The following RNF17 variants were observed in gnomAD, a reference collection of about 807,000 sequenced individuals.
RNF17 encodes the protein ring finger protein 17.
RNF17 carries 31 observed loss-of-function variants against 200.5 expected under a neutral mutation model. The ratio of observed to expected loss-of-function variants is 0.15; its 90% CI spans 0.12 to 0.21. The LOEUF is 0.21. Among genes scored for constraint, RNF17 ranks in the 10% least tolerant of loss-of-function variants. The probability of loss-of-function intolerance (pLI) is 1.00; values close to 1 mark genes in which losing one functional copy is unlikely to be tolerated. For missense variants in RNF17, 1,628 were observed against 1,905.1 expected, an observed-to-expected ratio of 0.85 and a Z score of 2.71; for synonymous variants, 606 against 637.8, an observed-to-expected ratio of 0.95 and a Z score of 0.75.
intron 18 of RNF17, among the ~76,000 whole-genome samples, chr13:24,836,950 A>G (rs901013738): frequency 6.6e-6 from 1 of 152,180 alleles, no homozygotes; most frequent in African/African-American, 2.4e-5. Context: ...GTAAGAACTC[A>G]CCAACCAACC....
intron 23 of RNF17, 78 bp from the exon 24 acceptor site, chr13:24,851,378 T>G: frequency 8.4e-6 from 8 of 955,744 alleles, no homozygotes; most frequent in Non-Finnish European, 9.9e-6. Context: ...GTAGAAGAAC[T>G]GCCTGTGAAA....
At chr13:24,857,228 C>T (rs562490821) in intron 25 of RNF17, among the ~76,000 whole-genome samples, 1 of 152,302 alleles carries the variant, frequency 6.6e-6, no homozygotes, top group East Asian at 1.9e-4. Flanking sequence ...CAGGATTTTA[C>T]TCTTTCCTCC....
intron 25 of RNF17, among the ~76,000 whole-genome samples, chr13:24,855,120 T>C (rs1353355048): frequency 1.3e-5 from 2 of 152,176 alleles, no homozygotes; most frequent in African/African-American, 4.8e-5. Flanking sequence ...TGTTCGAGAT[T>C]TGTCCACCTT....
intron 4 of RNF17, among the ~76,000 whole-genome samples, chr13:24,779,324 A>G (rs1003791893): frequency 5.3e-5 from 8 of 152,112 alleles, no homozygotes; most frequent in African/African-American, 1.4e-4. Context: ...TTCCTTAAGA[A>G]CTGTTTATAA....
At chr13:24,755,530 C>T in the RNF17 span, among the ~76,000 whole-genome samples, 3 of 152,146 alleles carry the variant, frequency 2.0e-5, no homozygotes, top group African/African-American at 7.2e-5. Flanking sequence ...TGGATTACAT[C>T]GATGATCCTT....
intron 22 of RNF17, among the ~76,000 whole-genome samples, chr13:24,848,148 A>G (rs1891456648): frequency 3.3e-5 from 5 of 152,210 alleles, no homozygotes; most frequent in Non-Finnish European, 1.5e-5. Flanking sequence ...AGGAAATTGA[A>G]TATTTAAGAG....
At chr13:24,875,036 A>G (rs958647859) in intron 33 of RNF17, among the ~76,000 whole-genome samples, 6 of 152,352 alleles carry the variant, frequency 3.9e-5, no homozygotes, top group Admixed American at 3.9e-4. Context: ...TTAAGGCTGA[A>G]TAATATTCCT....
In RNF17 at chr13:24,765,227, G is replaced by A. The variant is rs563913399; in HGVS notation, c.130+894G>A. Among the ~76,000 whole-genome samples, 8 of 152,228 alleles carry A rather than the reference G, an allele frequency of 5.3e-5. No homozygotes were observed. The South Asian group carries it at 1.7e-3, about 32-fold the overall frequency. On this transcript the variant is annotated intron_variant, in intron 1 of 35. Coordinates refer to ENST00000255324, the MANE Select transcript of RNF17 (RefSeq NM_031277.3). ...AGACAGGGTTTCACCGTGTTAGCCA[G>A]GATGGTCTCGATCTCCTGACCTCGT...
chr13:24,751,249 C>T, the RNF17 span: 1 of 151,744 alleles, frequency 6.6e-6, no homozygotes, highest in Non-Finnish European at 1.5e-5. Context: ...TTGCATTGAT[C>T]CATCATCATC....
chr13:24,836,799 A>T (rs1024896933), intron 18 of RNF17, among the ~76,000 whole-genome samples: 1 of 77,914 alleles, frequency 1.3e-5, no homozygotes, highest in African/African-American at 4.9e-5. Context: ...AAACAAAAAT[A>T]CAAGTTAAAA....
chr13:24,878,782 C>G (rs1895129842), intron 34 of RNF17, among the ~76,000 whole-genome samples: 1 of 151,618 alleles, frequency 6.6e-6, no homozygotes, highest in Non-Finnish European at 1.5e-5. Flanking sequence ...TCAGTCTCCT[C>G]TGAAAACACC....
intron 18 of RNF17, among the ~76,000 whole-genome samples, chr13:24,835,439 A>C (rs1889880438): frequency 6.6e-6 from 1 of 152,140 alleles, no homozygotes; most frequent in African/African-American, 2.4e-5. Flanking sequence ...CGCCACCTCG[A>C]TGGGAACAGG....
chr13:24,783,704 A>G (rs113317135), intron 6 of RNF17, among the ~76,000 whole-genome samples: 2 of 151,934 alleles, frequency 1.3e-5, no homozygotes, highest in African/African-American at 4.8e-5. Context: ...TTATTTTTAT[A>G]TTGATTTTTG....
intron 5 of RNF17, among the ~76,000 whole-genome samples, chr13:24,781,240 A>G (rs1882325109): frequency 6.6e-6 from 1 of 152,020 alleles, no homozygotes; most frequent in Middle Eastern, 3.2e-3. Context: ...AAATTCAGCT[A>G]CTTAAAATGA....
chr13:24,812,290 C>T (rs932104803), intron 15 of RNF17, among the ~76,000 whole-genome samples: 4 of 151,780 alleles, frequency 2.6e-5, no homozygotes, highest in Non-Finnish European at 4.4e-5. Flanking sequence ...TAGCAGTCAG[C>T]GAGACTCCGT....
At position 24,764,173 on chromosome 13, in the gene RNF17, TC is replaced by T. The variant is rs1879186778; in HGVS notation, c.-30del. 4 of 1,559,088 alleles carry T rather than the reference TC, an allele frequency of 2.6e-6. No homozygotes were observed. The South Asian group carries it at 4.6e-5, about 18-fold the overall frequency. ...CCGCGAGGGCCGCCGGGACTCGCAC[TC>T]GGCGGTTGTTCCAGAAGAAAGAGAC... On this transcript the variant is annotated 5_prime_UTR_variant, in exon 1 of 36. Coordinates refer to ENST00000255324, the MANE Select transcript of RNF17 (RefSeq NM_031277.3).
intron 5 of RNF17, 71 bp downstream of exon 5, chr13:24,779,818 A>G: frequency 8.5e-7 from 1 of 1,169,910 alleles, no homozygotes; most frequent in Non-Finnish European, 1.3e-6. Context: ...ACATTTGGAG[A>G]TGTTACCACT....
chr13:24,843,716 C>A, intron 19 of RNF17, 28 bp from the exon 20 acceptor site: 1 of 1,354,776 alleles, frequency 7.4e-7, no homozygotes, highest in South Asian at 1.2e-5. Context: ...GCATACAGTT[C>A]TTTTCATTAA....
chr13:24,774,093 T>G (rs1370432150), intron 2 of RNF17, among the ~76,000 whole-genome samples: 1 of 152,242 alleles, frequency 6.6e-6, no homozygotes, highest in East Asian at 1.9e-4. Context: ...GGGATTTTTC[T>G]TCATCTAGTG....
Sources: allele counts gnomAD v4.1 joint callset (sites outside exome capture counted in the v4.1 genomes callset), GRCh38; gene constraint gnomAD v4.1.1; transcripts MANE v1.5; gene names NCBI Gene and HGNC (gene_info 2026-07-23, HGNC 2026-07-21).